PTPRM: variants seen among roughly 807,000 people sequenced by gnomAD.
PTPRM encodes receptor-type tyrosine-protein phosphatase mu.
PTPRM carries 47 observed loss-of-function variants against 186.7 expected under a neutral mutation model. The observed-to-expected ratio is 0.25, with a 90% CI of 0.20 to 0.32. The LOEUF (loss-of-function observed/expected upper bound fraction) is 0.32. PTPRM is among the 10% of genes least tolerant of loss of function. PTPRM has a pLI of 1.00. For missense variants in PTPRM, 1,494 were observed against 1,865.0 expected (o/e 0.80, Z 3.66); for synonymous variants, 668 against 674.9 (o/e 0.99, Z 0.16).
intron 2 of PTPRM, among the ~76,000 whole-genome samples, chr18:7,790,147 T>C (rs751219578): frequency 4.6e-5 from 7 of 152,224 alleles, no homozygotes; most frequent in Non-Finnish European, 8.8e-5. Context: ...AGCTAATGAA[T>C]ATGCTCTTTT....
At chr18:8,309,384 C>T (rs1018637926) in intron 20 of PTPRM, among the ~76,000 whole-genome samples, 2 of 151,914 alleles carry the variant, frequency 1.3e-5, no homozygotes, top group Non-Finnish European at 1.5e-5. Context: ...GTAAGCTGGG[C>T]TTTTTTTCAC....
At position 7,935,403 on chromosome 18, in the gene PTPRM, A is replaced by T. The variant is rs144657941; in HGVS notation, c.663+8720A>T. On this transcript the variant is annotated intron_variant, in intron 5 of 32. Coordinates refer to ENST00000580170, the MANE Select transcript of PTPRM (RefSeq NM_001105244.2). ...CGTATACCTTATGTTTTAACTTAATATGATTTTGGATTACCTTTATTTAAA... is the reference window on the plus strand; with the variant it reads ...CGTATACCTTATGTTTTAACTTAATTTGATTTTGGATTACCTTTATTTAAA... 2.6e-3 allele frequency among the ~76,000 whole-genome samples: 401 copies of T among 151,894 alleles called. 1 individual carries two copies. Among genetic ancestry groups the T allele is most frequent in the African/African-American group, 9.3e-3 (384 of 41,194 alleles).
At chr18:7,808,046 GCATATTCATAA>G in intron 2 of PTPRM, among the ~76,000 whole-genome samples, 1 of 152,242 alleles carries the variant, frequency 6.6e-6, no homozygotes, top group Middle Eastern at 3.4e-3. Context: ...TGCGTCTTAT[GCATATTCATAA>G]CACACTGAAC....
At chr18:8,186,377 G>A (rs2093642688) in intron 14 of PTPRM, among the ~76,000 whole-genome samples, 1 of 151,092 alleles carries the variant, frequency 6.6e-6, no homozygotes, top group South Asian at 2.1e-4. Flanking sequence ...TTTGTAAGCT[G>A]AATCACCCCA....
chr18:7,589,321 G>A (rs567676022), intron 1 of PTPRM, among the ~76,000 whole-genome samples: 12 of 152,240 alleles, frequency 7.9e-5, no homozygotes, highest in African/African-American at 2.9e-4. Context: ...CAGCTATGAG[G>A]TCTGTTGAGA....
intron 7 of PTPRM, among the ~76,000 whole-genome samples, chr18:8,043,863 G>T (rs1395875726): frequency 6.6e-6 from 1 of 152,116 alleles, no homozygotes; most frequent in Non-Finnish European, 1.5e-5. Flanking sequence ...TCAGGGAAAT[G>T]AAAAATTATA....
At chr18:7,823,536 A>T (rs2045321916) in intron 2 of PTPRM, among the ~76,000 whole-genome samples, 1 of 152,136 alleles carries the variant, frequency 6.6e-6, no homozygotes, top group African/African-American at 2.4e-5. Context: ...GTGGACTGGG[A>T]AAGGCAGACC....
chr18:7,748,701 T>C (rs1489696972), intron 1 of PTPRM, among the ~76,000 whole-genome samples: 2 of 152,196 alleles, frequency 1.3e-5, no homozygotes, highest in Non-Finnish European at 2.9e-5. Flanking sequence ...AAAAGCCAAG[T>C]ATAAATCCCA....
chr18:7,567,737 C>T lies in PTPRM; in HGVS notation c.-82C>T. The T allele has an allele frequency of 2.3e-6, 3 of 1,298,762 alleles. No homozygotes were observed. Among genetic ancestry groups the T allele is most frequent in the Non-Finnish European group, 2.1e-6 (2 of 973,516 alleles). The allele number at this position is 1,298,762 out of a possible 1,614,324, so 80.5% of individuals were successfully genotyped here. A position where few individuals can be genotyped will look rare whatever the true frequency, so the allele number is the denominator to read the frequency against. Reference sequence around the variant, plus strand: ...GTTTACCCGTCTCTCCTCGCTGCCTCGGAACCAAAGCTCCCGGCCCCCTCC... The same window carrying T: ...GTTTACCCGTCTCTCCTCGCTGCCTTGGAACCAAAGCTCCCGGCCCCCTCC... On this transcript the variant is annotated 5_prime_UTR_variant, in exon 1 of 33. Coordinates refer to ENST00000580170, the MANE Select transcript of PTPRM (RefSeq NM_001105244.2). The surrounding 1 kb of genome is among the most constrained non-coding windows in gnomAD (Gnocchi z 4.3).
At chr18:8,400,280 G>T (rs374395211) in intron 32 of PTPRM, among the ~76,000 whole-genome samples, 19 of 152,232 alleles carry the variant, frequency 1.2e-4, no homozygotes, top group African/African-American at 4.6e-4. Flanking sequence ...AGACTGATTC[G>T]ATTGGTCAGG....
At chr18:7,905,567 T>C (rs2049935399) in intron 3 of PTPRM, among the ~76,000 whole-genome samples, 1 of 152,210 alleles carries the variant, frequency 6.6e-6, no homozygotes. Flanking sequence ...TGTCCTGAAG[T>C]GGAGTCTTCT....
At chr18:7,996,344 A>G in intron 7 of PTPRM, among the ~76,000 whole-genome samples, 1 of 152,176 alleles carries the variant, frequency 6.6e-6, no homozygotes, top group East Asian at 1.9e-4. Context: ...AGCTTTTGAT[A>G]AAATTTAATA....
intron 2 of PTPRM, among the ~76,000 whole-genome samples, chr18:7,835,188 CTTT>C (rs58193493): frequency 1.2e-4 from 15 of 127,610 alleles, no homozygotes; most frequent in East Asian, 2.2e-4. Flanking sequence ...TGACATTTTT[CTTT>C]TTTTTTTTTT....
At chr18:7,966,589 G>A (rs537885002) in intron 7 of PTPRM, among the ~76,000 whole-genome samples, 3,446 of 145,212 alleles carry the variant, frequency 0.024, 157 homozygotes, top group African/African-American at 0.082. Context: ...GCTCAGGTCA[G>A]TGGGTGCGCG....
At chr18:8,014,946 G>A (rs1321972401) in intron 7 of PTPRM, among the ~76,000 whole-genome samples, 2 of 152,056 alleles carry the variant, frequency 1.3e-5, no homozygotes, top group African/African-American at 4.8e-5. Context: ...AGAGAAAATG[G>A]TTGTTCATCT....
At chr18:7,666,004 T>C (rs1397519795) in intron 1 of PTPRM, among the ~76,000 whole-genome samples, 1 of 152,114 alleles carries the variant, frequency 6.6e-6, no homozygotes, top group East Asian at 1.9e-4. Flanking sequence ...GTAAGATAAA[T>C]TGACTGATGG....
chr18:8,046,568 C>T (rs980161368), intron 7 of PTPRM, among the ~76,000 whole-genome samples: 7 of 152,130 alleles, frequency 4.6e-5, no homozygotes, highest in African/African-American at 9.7e-5. Context: ...CGGTCAGGGA[C>T]GAAGTATGAT....
chr18:7,684,672 G>C (rs557143723), intron 1 of PTPRM, among the ~76,000 whole-genome samples: 1 of 152,296 alleles, frequency 6.6e-6, no homozygotes, highest in East Asian at 1.9e-4. Flanking sequence ...GCACATTGCA[G>C]AATTTCCTTC....
rs2051280935 is a variant in PTPRM, at chr18:7,928,120, ATTG to A, written c.663+1439_663+1441del. ...ATGTCCCAAGATTAATCAGCAATGC[ATTG>A]TCAGATGGGAAATGCATTCTGGAGA... On this transcript the variant is annotated intron_variant, in intron 5 of 32. Transcript: ENST00000580170. Among the ~76,000 whole-genome samples the A allele has an allele frequency of 2.0e-5, 3 of 152,124 alleles. No individual in the cohort carries two copies. The South Asian group carries it at 6.2e-4, about 31-fold the overall frequency.
Sources: gnomAD v4.1 joint callset for allele counts (sites outside exome capture counted in the v4.1 genomes callset) on GRCh38, gnomAD v4.1.1 for gene constraint, Gnocchi (gnomAD v3.1) non-coding constraint, MANE v1.5 for transcripts, NCBI Gene and HGNC (gene_info 2026-07-23, HGNC 2026-07-21) for gene names.